GRID1: variants seen among roughly 807,000 people sequenced by gnomAD.
GRID1 encodes glutamate ionotropic receptor delta type subunit 1, also known as glutamate receptor ionotropic, delta-1.
GRID1 carries 28 observed loss-of-function variants against 98.0 expected under a neutral mutation model. The observed-to-expected ratio is 0.29, with a 90% CI of 0.21 to 0.39. The LOEUF (loss-of-function observed/expected upper bound fraction) is 0.39, where lower values mean the gene tolerates loss of function less well. GRID1 is among the 10% of genes least tolerant of loss of function. The pLI is 1.00. For missense variants in GRID1, 1,111 were observed against 1,340.5 expected (o/e 0.83, Z 2.67); for synonymous variants, 553 against 538.5 (o/e 1.03, Z -0.37).
rs1264570228 is a variant in GRID1, at chr10:85,934,648, C to T, written c.727-18409G>A. 3.3e-5 allele frequency among the ~76,000 whole-genome samples: 5 copies of T among 152,192 alleles called. No individual in the cohort carries two copies. In the South Asian group the frequency reaches 1.0e-3, roughly 32 times the overall value. On this transcript the variant is annotated intron_variant, in intron 4 of 15. Coordinates refer to ENST00000327946, the MANE Select transcript of GRID1 (RefSeq NM_017551.3). Reference sequence around the variant, plus strand: ...ATATGATGAAAAGTGCCTAATTTGTCTTCTTTCCTAATCCTTTTTTTGTAA... The same window carrying T: ...ATATGATGAAAAGTGCCTAATTTGTTTTCTTTCCTAATCCTTTTTTTGTAA...
intron 4 of GRID1, among the ~76,000 whole-genome samples, chr10:86,002,067 C>CTT (rs976052044): frequency 1.3e-4 from 20 of 152,308 alleles, no homozygotes; most frequent in African/African-American, 4.3e-4. Context: ...AAATTTTCCT[C>CTT]TTCTTATGAG....
intron 8 of GRID1, among the ~76,000 whole-genome samples, chr10:85,829,961 T>C (rs1393029158): frequency 6.6e-6 from 1 of 152,092 alleles, no homozygotes; most frequent in African/African-American, 2.4e-5. Context: ...AAAAACTATT[T>C]TACAATTCAT....
intron 3 of GRID1, among the ~76,000 whole-genome samples, chr10:86,176,434 G>A (rs1845576322): frequency 6.6e-6 from 1 of 152,250 alleles, no homozygotes; most frequent in Admixed American, 6.5e-5. Flanking sequence ...AGGAAGATCA[G>A]CATGTGCAAA....
At chr10:85,934,016 C>T (rs1841893674) in intron 4 of GRID1, among the ~76,000 whole-genome samples, 1 of 152,124 alleles carries the variant, frequency 6.6e-6, no homozygotes, top group South Asian at 2.1e-4. Flanking sequence ...GTACCCTGTC[C>T]TCAGTGAGGG....
intron 4 of GRID1, among the ~76,000 whole-genome samples, chr10:86,020,113 T>A (rs10509527): frequency 0.022 from 3,300 of 152,352 alleles, 102 homozygotes; most frequent in African/African-American, 0.066. Context: ...CAAGCACGTT[T>A]AGCATTCTGC....
intron 8 of GRID1, among the ~76,000 whole-genome samples, chr10:85,846,056 T>C (rs1843002370): frequency 6.6e-6 from 1 of 152,160 alleles, no homozygotes; most frequent in Admixed American, 6.5e-5. Flanking sequence ...ATGTTCACTT[T>C]TGAAAATTCA....
At chr10:85,816,025 C>A (rs1240265173) in intron 8 of GRID1, among the ~76,000 whole-genome samples, 2 of 151,832 alleles carry the variant, frequency 1.3e-5, no homozygotes, top group Non-Finnish European at 2.9e-5. Context: ...TTGGCAGCAC[C>A]AAATGCTGGC....
chr10:85,751,235 C>T lies in GRID1; in HGVS notation c.1234-21621G>A, dbSNP rs554639984. ...TTCTGGTTGCCCTGGTTACAGGCCC[C>T]CTTCTCTTGGTAGTGTTATTATAAA... On this transcript the variant is annotated intron_variant, in intron 8 of 15. Coordinates refer to ENST00000327946, the MANE Select transcript of GRID1 (RefSeq NM_017551.3). 1.2e-3 allele frequency among the ~76,000 whole-genome samples: 181 copies of T among 152,268 alleles called. 1 individual carries two copies. Among genetic ancestry groups the T allele is most frequent in the Middle Eastern group, 6.8e-3 (2 of 294 alleles).
chr10:85,855,920 G>C (rs1843105466), intron 7 of GRID1, 109 bp downstream of exon 7: 1 of 914,824 alleles, frequency 1.1e-6, no homozygotes, highest in African/African-American at 1.6e-5. Flanking sequence ...GGGCCTACTG[G>C]GGCAGCCACA....
intron 8 of GRID1, among the ~76,000 whole-genome samples, chr10:85,837,072 T>G (rs1209498440): frequency 1.3e-5 from 2 of 151,856 alleles, no homozygotes; most frequent in Non-Finnish European, 2.9e-5. Flanking sequence ...CATGTGGGAG[T>G]GCAGTTTGTC....
At chr10:86,036,842 A>G (rs775742000) in intron 4 of GRID1, among the ~76,000 whole-genome samples, 3 of 152,128 alleles carry the variant, frequency 2.0e-5, no homozygotes, top group Non-Finnish European at 4.4e-5. Flanking sequence ...TGGAGGGAAC[A>G]CTCCAGTCCC....
At position 85,965,365 on chromosome 10, in the gene GRID1, A is replaced by G. The variant is rs75843079; in HGVS notation, c.727-49126T>C. ...TGTTTATTGTGGCACTGTTCACAAT[A>G]GCAAAGATTTGGAACCAATCCAAAT... is the stretch of plus-strand genomic sequence containing the variant. On this transcript the variant is annotated intron_variant, in intron 4 of 15. Transcript: ENST00000327946. Among the ~76,000 whole-genome samples, 253 of 152,364 alleles carry G rather than the reference A, an allele frequency of 1.7e-3. 4 individuals carry two copies. The East Asian group carries it at 0.037, about 22-fold the overall frequency.
At chr10:86,207,125 C>G (rs979426282) in intron 2 of GRID1, among the ~76,000 whole-genome samples, 4 of 152,154 alleles carry the variant, frequency 2.6e-5, no homozygotes, top group Non-Finnish European at 5.9e-5. Flanking sequence ...CTGAACTGAA[C>G]TGATTGGGAC....
chr10:86,259,692 G>C (rs1846982682), intron 2 of GRID1, among the ~76,000 whole-genome samples: 1 of 152,206 alleles, frequency 6.6e-6, no homozygotes, highest in African/African-American at 2.4e-5. Flanking sequence ...GCACATGCGT[G>C]TGCAAGTCTG....
At chr10:86,197,440 C>T (rs1285439127) in intron 3 of GRID1, among the ~76,000 whole-genome samples, 2 of 152,100 alleles carry the variant, frequency 1.3e-5, no homozygotes, top group Non-Finnish European at 1.5e-5. Context: ...CTCGCTGGTA[C>T]CCTTCCTGGA....
chr10:85,637,317 G>A (rs1156533666), intron 13 of GRID1, among the ~76,000 whole-genome samples: 1 of 152,182 alleles, frequency 6.6e-6, no homozygotes, highest in Non-Finnish European at 1.5e-5. Context: ...ATAACCTAAA[G>A]ATTTCCTCTC....
intron 2 of GRID1, among the ~76,000 whole-genome samples, chr10:86,277,617 C>T (rs550644713): frequency 6.6e-6 from 1 of 152,222 alleles, no homozygotes; most frequent in Non-Finnish European, 1.5e-5. Flanking sequence ...AAGTTGGTAT[C>T]AGTTCTAATT....
At chr10:85,992,578 C>G (rs1842693670) in intron 4 of GRID1, among the ~76,000 whole-genome samples, 1 of 147,648 alleles carries the variant, frequency 6.8e-6, no homozygotes, top group Non-Finnish European at 1.5e-5. Flanking sequence ...GGAATGATAA[C>G]AGAGGGGACA....
At chr10:85,947,952 G>C (rs1274421297) in intron 4 of GRID1, among the ~76,000 whole-genome samples, 1 of 152,196 alleles carries the variant, frequency 6.6e-6, no homozygotes, top group African/African-American at 2.4e-5. Context: ...AGCCTACCAA[G>C]CTGAGGAAAT....
Sources: allele counts gnomAD v4.1 joint callset (sites outside exome capture counted in the v4.1 genomes callset), GRCh38; gene constraint gnomAD v4.1.1; transcripts MANE v1.5; gene names NCBI Gene and HGNC (gene_info 2026-07-23, HGNC 2026-07-21).